SCHIP1: variants seen among roughly 807,000 people sequenced by gnomAD.
SCHIP1 encodes schwannomin-interacting protein 1.
In SCHIP1, 8 loss-of-function variants were observed where a neutral mutation model predicts 29.7. The observed-to-expected ratio is 0.27, with a 90% CI of 0.16 to 0.49. The LOEUF (loss-of-function observed/expected upper bound fraction) is 0.49. SCHIP1 is among the 20% of genes least tolerant of loss of function. The probability of loss-of-function intolerance (pLI) is 0.99; values close to 1 mark genes in which losing one functional copy is unlikely to be tolerated. For missense variants in SCHIP1, 193 were observed against 294.6 expected (o/e 0.66, Z 2.52); for synonymous variants, 76 against 94.9 (o/e 0.80, Z 1.16).
the SCHIP1 span, among the ~76,000 whole-genome samples, chr3:159,671,341 C>T: frequency 6.6e-6 from 1 of 152,306 alleles, no homozygotes; most frequent in Non-Finnish European, 1.5e-5. Context: ...AGTCCCCACT[C>T]TGAGCCCTAG....
the SCHIP1 span, among the ~76,000 whole-genome samples, chr3:159,364,740 C>T: frequency 6.6e-6 from 1 of 152,170 alleles, no homozygotes; most frequent in Non-Finnish European, 1.5e-5. Context: ...GAAAGTGACT[C>T]ACGGGTTCAA....
the SCHIP1 span, among the ~76,000 whole-genome samples, chr3:159,529,791 A>G: frequency 6.6e-6 from 1 of 152,188 alleles, no homozygotes; most frequent in Non-Finnish European, 1.5e-5. Context: ...GGTAACCACC[A>G]TTCTATTCCC....
chr3:159,643,520 G>A, the SCHIP1 span, among the ~76,000 whole-genome samples: 3 of 152,030 alleles, frequency 2.0e-5, no homozygotes, highest in African/African-American at 4.8e-5. Flanking sequence ...AAGCCTATGT[G>A]GGAAGTCAAT....
At chr3:159,565,382 C>T in the SCHIP1 span, among the ~76,000 whole-genome samples, 6 of 152,340 alleles carry the variant, frequency 3.9e-5, no homozygotes, top group Non-Finnish European at 7.3e-5. Context: ...TTTCCACCTT[C>T]CTTGAAGACT....
chr3:159,407,741 G>A, the SCHIP1 span, among the ~76,000 whole-genome samples: 2 of 152,174 alleles, frequency 1.3e-5, no homozygotes, highest in South Asian at 2.1e-4. Context: ...AGTCTGGAAA[G>A]TATACAAACA....
At chr3:159,828,397 GTA>G in the SCHIP1 span, among the ~76,000 whole-genome samples, 17,690 of 87,260 alleles carry the variant, frequency 0.2, 3,256 homozygotes, top group East Asian at 0.57. Context: ...ACATATATAC[GTA>G]TATATATACG....
chr3:159,493,756 T>C, the SCHIP1 span, among the ~76,000 whole-genome samples: 9 of 152,104 alleles, frequency 5.9e-5, no homozygotes, highest in Admixed American at 6.5e-5. Context: ...GCGGACCTAA[T>C]AGACATCCAC....
chr3:159,668,376 C>CAAAAAAAAAAAAAAAAAAAAAAAAAA, the SCHIP1 span, among the ~76,000 whole-genome samples: 8 of 46,412 alleles, frequency 1.7e-4, no homozygotes, highest in African/African-American at 6.7e-4. Context: ...GACTCCGTCT[C>CAAAAAAAAAAAAAAAAAAAAAAAAAA]AAAAAAAAAA....
chr3:159,497,472 C>T, the SCHIP1 span, among the ~76,000 whole-genome samples: 1 of 151,914 alleles, frequency 6.6e-6, no homozygotes, highest in Non-Finnish European at 1.5e-5. Flanking sequence ...TTCAAAACCA[C>T]CCCCAAGTAT....
the SCHIP1 span, among the ~76,000 whole-genome samples, chr3:159,433,706 G>A: frequency 6.6e-6 from 1 of 152,120 alleles, no homozygotes; most frequent in Non-Finnish European, 1.5e-5. Flanking sequence ...GAAAATAAGA[G>A]TACCTGCTGC....
At chr3:159,681,726 C>CT in the SCHIP1 span, among the ~76,000 whole-genome samples, 1 of 152,172 alleles carries the variant, frequency 6.6e-6, no homozygotes, top group Non-Finnish European at 1.5e-5. Context: ...CATTGGACCT[C>CT]TTATCAGTTG....
At chr3:159,595,621 T>C in the SCHIP1 span, among the ~76,000 whole-genome samples, 1 of 152,082 alleles carries the variant, frequency 6.6e-6, no homozygotes, top group Admixed American at 6.6e-5. Context: ...AACTAGATTT[T>C]TAAGACTAGA....
the SCHIP1 span, among the ~76,000 whole-genome samples, chr3:159,292,463 G>T: frequency 2.6e-5 from 4 of 152,086 alleles, no homozygotes; most frequent in Admixed American, 2.6e-4. Flanking sequence ...TGTGTTCTTT[G>T]TATTTGCCAG....
At chr3:159,397,078 C>G in the SCHIP1 span, among the ~76,000 whole-genome samples, 1 of 151,380 alleles carries the variant, frequency 6.6e-6, no homozygotes, top group African/African-American at 2.4e-5. Context: ...ATTTCATCTT[C>G]CATTGCTGAT....
the SCHIP1 span, among the ~76,000 whole-genome samples, chr3:159,425,132 A>C: frequency 6.6e-6 from 1 of 152,082 alleles, no homozygotes; most frequent in East Asian, 1.9e-4. Flanking sequence ...AACTGCATCA[A>C]CTAACGAGCA....
the SCHIP1 span, among the ~76,000 whole-genome samples, chr3:159,498,313 C>A: frequency 6.6e-6 from 1 of 152,074 alleles, no homozygotes; most frequent in African/African-American, 2.4e-5. Flanking sequence ...CAAAGAGCAG[C>A]AATTTTATCC....
the SCHIP1 span, among the ~76,000 whole-genome samples, chr3:159,680,601 ATATATTATATATG>A: frequency 1.0e-5 from 1 of 97,794 alleles, no homozygotes; most frequent in Admixed American, 1.6e-4. Flanking sequence ...TATGTATAAT[ATATATTATATATG>A]TATATATAAT....
At chr3:159,759,625 GTTCTGT>G in the SCHIP1 span, among the ~76,000 whole-genome samples, 2 of 152,118 alleles carry the variant, frequency 1.3e-5, no homozygotes. Context: ...AACCCCAGAT[GTTCTGT>G]ATCCAGGACC....
the SCHIP1 span, among the ~76,000 whole-genome samples, chr3:159,327,359 T>C: frequency 2.5e-4 from 38 of 152,302 alleles, no homozygotes; most frequent in African/African-American, 8.2e-4. Context: ...TCTAGAATGT[T>C]CCAAGTGCCT....
Sources: gnomAD v4.1 joint callset for allele counts (sites outside exome capture counted in the v4.1 genomes callset) on GRCh38, gnomAD v4.1.1 for gene constraint, MANE v1.5 for transcripts, NCBI Gene and HGNC (gene_info 2026-07-23, HGNC 2026-07-21) for gene names.